Variants in PCDHGB4 observed in about 807,000 individuals in gnomAD.
PCDHGB4 encodes protocadherin gamma-B4.
Under a neutral mutation model 60.5 loss-of-function variants are expected in PCDHGB4, and 38 were observed. That is an observed-to-expected ratio of 0.63 (90% CI 0.48 to 0.82). PCDHGB4 has a LOEUF of 0.82. Among genes scored for constraint, PCDHGB4 ranks in the 40% least tolerant of loss-of-function variants. The pLI is 0.00. For synonymous variants in PCDHGB4, 456 were observed against 509.7 expected, an observed-to-expected ratio of 0.89 and a Z score of 1.42; for missense variants, 1,109 against 1,209.6, an observed-to-expected ratio of 0.92 and a Z score of 1.23.
At chr5:141,498,947 AAAAG>A (rs1475471777) in intron 2 of PCDHGB4, among the ~76,000 whole-genome samples, 1 of 145,446 alleles carries the variant, frequency 6.9e-6, no homozygotes, top group African/African-American at 2.6e-5. Context: ...GAAAGAAAGA[AAAAG>A]AGAGAGAGGG....
intron 1 of PCDHGB4, chr5:141,408,083 C>A: frequency 7.1e-7 from 1 of 1,414,576 alleles, no homozygotes; most frequent in Non-Finnish European, 9.3e-7. Flanking sequence ...CCCAGCACAG[C>A]GGATTGCCAG....
At chr5:141,505,238 G>A (rs1254100882) in intron 2 of PCDHGB4, 155 bp from the exon 3 acceptor site, 2 of 890,422 alleles carry the variant, frequency 2.2e-6, no homozygotes, top group South Asian at 5.2e-5. Context: ...GGCTTCTGAA[G>A]GATTGTAGAA....
chr5:141,392,914 C>G (rs2092626800), intron 1 of PCDHGB4: 1 of 1,613,786 alleles, frequency 6.2e-7, no homozygotes. Context: ...ATTCGCTACT[C>G]TGTGCCAGAA....
intron 1 of PCDHGB4, among the ~76,000 whole-genome samples, chr5:141,456,621 G>T (rs6885794): frequency 0.55 from 83,339 of 152,038 alleles, 25,195 homozygotes; most frequent in African/African-American, 0.82. Context: ...CTGTAGATTT[G>T]CCTCTTCTTT....
chr5:141,391,899 T>G (rs1283624057), intron 1 of PCDHGB4: 2 of 152,212 alleles, frequency 1.3e-5, no homozygotes, highest in Non-Finnish European at 2.9e-5. Flanking sequence ...GGATGGAGCT[T>G]TGCTTTTTAT....
intron 3 of PCDHGB4, among the ~76,000 whole-genome samples, chr5:141,506,300 T>G (rs2099852124): frequency 6.6e-6 from 1 of 151,976 alleles, no homozygotes; most frequent in East Asian, 1.9e-4. Flanking sequence ...AATACAAAAA[T>G]TAGCTGGGCA....
At chr5:141,453,311 A>C (rs2098762053) in intron 1 of PCDHGB4, among the ~76,000 whole-genome samples, 1 of 151,602 alleles carries the variant, frequency 6.6e-6, no homozygotes, top group African/African-American at 2.4e-5. Flanking sequence ...TTATTTATTT[A>C]TTTTAGAGAT....
chr5:141,438,545 A>C (rs915206342), intron 1 of PCDHGB4, among the ~76,000 whole-genome samples: 4 of 140,354 alleles, frequency 2.8e-5, no homozygotes, highest in Admixed American at 7.4e-5. Flanking sequence ...TCTATATCTA[A>C]GCCCTAATAA....
At chr5:141,443,392 T>A (rs151260637) in intron 1 of PCDHGB4, among the ~76,000 whole-genome samples, 1 of 151,662 alleles carries the variant, frequency 6.6e-6, no homozygotes, top group Non-Finnish European at 1.5e-5. Context: ...GGCTGAGGTG[T>A]GAGGATCACC....
chr5:141,499,457 T>G (rs1000400491), intron 2 of PCDHGB4, among the ~76,000 whole-genome samples: 1 of 152,214 alleles, frequency 6.6e-6, no homozygotes, highest in African/African-American at 2.4e-5. Context: ...CCCATCATTT[T>G]ACAATCTAGG....
At chr5:141,414,421 A>G (rs1250470349) in intron 1 of PCDHGB4, 1 of 1,613,776 alleles carries the variant, frequency 6.2e-7, no homozygotes, top group African/African-American at 1.3e-5. Flanking sequence ...AGCCCTTGAC[A>G]GGGAACAGGT....
At chr5:141,422,588 C>A in intron 1 of PCDHGB4, 1 of 1,614,056 alleles carries the variant, frequency 6.2e-7, no homozygotes, top group South Asian at 1.1e-5. Flanking sequence ...CCCGTTTTTC[C>A]TCACTCCTCT....
chr5:141,398,313 G>T lies in PCDHGB4; in HGVS notation c.2397+8032G>T, dbSNP rs1270917645. The T allele has an allele frequency of 6.6e-6, 9 of 1,358,982 alleles. No individual in the cohort carries two copies. The South Asian group carries it at 1.1e-4, about 16-fold the overall frequency. 84.2% of individuals were successfully genotyped at this position (1,358,982 alleles called of 1,614,324 possible). A position where few individuals can be genotyped will look rare whatever the true frequency, so the allele number is the denominator to read the frequency against. ...TGGGGTTCAGCGTCCAGGAGTTACC[G>T]ACTCGAAAACTGCGCGTCAGTTCGG... On this transcript the variant is annotated intron_variant, in intron 1 of 3. Transcript: ENST00000519479.
Position 141,431,872 on chromosome 5 carries a change from A to G in PCDHGB4, c.2397+41591A>G, listed in dbSNP as rs2097425104. 5 of 1,614,222 alleles carry G rather than the reference A, an allele frequency of 3.1e-6. No individual in the cohort carries two copies. The highest frequency in any genetic ancestry group is 4.2e-6 in the Non-Finnish European group (5 of 1,180,002). ...GGACATTAATTGCCCTTTTAAATGT[A>G]AATGACCAAGATTCTGAGGAAAACG... On this transcript the variant is annotated intron_variant, in intron 1 of 3. Transcript: ENST00000519479. The surrounding 1 kb of genome is among the most constrained non-coding windows in gnomAD (Gnocchi z 4.8).
rs2099631185 is a variant in PCDHGB4, at chr5:141,486,568, T to C, written c.2398-8239T>C. Reference sequence around the variant, plus strand: ...AGAGGTCACATGAGGTGTTTGTTCCTGAGAACAATCGCCCAGGGGACCTGC... The same window carrying C: ...AGAGGTCACATGAGGTGTTTGTTCCCGAGAACAATCGCCCAGGGGACCTGC... On this transcript the variant is annotated intron_variant, in intron 1 of 3. Coordinates refer to ENST00000519479, the MANE Select transcript of PCDHGB4 (RefSeq NM_003736.4). The surrounding 1 kb of genome is among the most constrained non-coding windows in gnomAD (Gnocchi z 5.0). 1.9e-6 allele frequency: 3 copies of C among 1,613,862 alleles called. No homozygotes were observed. The South Asian group carries it at 3.3e-5, about 18-fold the overall frequency.
In PCDHGB4 at chr5:141,404,896, C is replaced by T. The variant is rs182502698; in HGVS notation, c.2397+14615C>T. ...AGAGCCTTGTGGTGGCTGTACAGGA[C>T]CATGGCCAGCCCCCTCTCTCGGCCA... On this transcript the variant is annotated intron_variant, in intron 1 of 3. Transcript: ENST00000519479. The T allele has an allele frequency of 3.7e-5, 59 of 1,613,884 alleles. No homozygotes were observed. The Admixed American group carries it at 8.3e-4, about 23-fold the overall frequency.
chr5:141,420,080 C>T (rs754438863), intron 1 of PCDHGB4: 2 of 1,614,010 alleles, frequency 1.2e-6, no homozygotes, highest in Non-Finnish European at 1.7e-6. Context: ...TGTGGGTCCC[C>T]CCAACTACAG....
chr5:141,422,809 G>A (rs1169197801), intron 1 of PCDHGB4: 8 of 1,614,232 alleles, frequency 5.0e-6, no homozygotes, highest in Non-Finnish European at 6.8e-6. Context: ...GCAGTTTCGA[G>A]ACTTAGAACT....
In PCDHGB4 at chr5:141,409,971, A is replaced by G. The variant is rs758876775; in HGVS notation, c.2397+19690A>G. On this transcript the variant is annotated intron_variant, in intron 1 of 3. Coordinates refer to ENST00000519479, the MANE Select transcript of PCDHGB4 (RefSeq NM_003736.4). ...GCAGAGCCCGGCTACCTAGTGACTAAGGTGGTAGCGGTGGACGCCGACTCG... is the reference window on the plus strand; with the variant it reads ...GCAGAGCCCGGCTACCTAGTGACTAGGGTGGTAGCGGTGGACGCCGACTCG... 2.9e-5 allele frequency: 47 copies of G among 1,613,202 alleles called. No homozygotes were observed. The highest frequency in any genetic ancestry group is 3.8e-5 in the Non-Finnish European group (45 of 1,179,806).
Sources: gnomAD v4.1 joint callset for allele counts (sites outside exome capture counted in the v4.1 genomes callset) on GRCh38, gnomAD v4.1.1 for gene constraint, Gnocchi (gnomAD v3.1) non-coding constraint, MANE v1.5 for transcripts, NCBI Gene and HGNC (gene_info 2026-07-23, HGNC 2026-07-21) for gene names.